The following OR51B5 variants were observed in gnomAD, a reference collection of about 807,000 sequenced individuals.
OR51B5 encodes the protein olfactory receptor family 51 subfamily B member 5, also known as olfactory receptor 51B5.
For missense variants in OR51B5, 456 were observed against 374.6 expected, an observed-to-expected ratio of 1.22 and a Z score of -1.79; for synonymous variants, 186 against 144.8, an observed-to-expected ratio of 1.28 and a Z score of -2.04.
At chr11:5,377,943 C>T (rs542433199) in intron 1 of OR51B5, among the ~76,000 whole-genome samples, 1 of 152,016 alleles carries the variant, frequency 6.6e-6, no homozygotes, top group African/African-American at 2.4e-5. Flanking sequence ...ATTTTCTTCA[C>T]AGAATTGGAA....
At chr11:5,346,020 T>A (rs1848985134), upstream of OR51B5, 1 of 152,224 alleles carries the variant, frequency 6.6e-6, no homozygotes, top group South Asian at 2.1e-4. Context: ...TCTATGTACT[T>A]CATTTCTCTG....
intron 1 of OR51B5, chr11:5,422,716 C>T (rs777828824): frequency 6.8e-6 from 11 of 1,613,952 alleles, no homozygotes; most frequent in South Asian, 3.3e-5. Flanking sequence ...CTTTCTGCCA[C>T]TCCCACCTTC....
intron 1 of OR51B5, among the ~76,000 whole-genome samples, chr11:5,495,394 T>C (rs954127088): frequency 6.6e-6 from 1 of 152,240 alleles, no homozygotes; most frequent in Admixed American, 6.5e-5. Context: ...AAAATATCTA[T>C]ATGATAATTT....
intron 1 of OR51B5, among the ~76,000 whole-genome samples, chr11:5,494,226 T>C (rs1161702665): frequency 6.6e-6 from 1 of 152,234 alleles, no homozygotes; most frequent in Non-Finnish European, 1.5e-5. Flanking sequence ...ATAACATTAT[T>C]CCAGGTAACA....
intron 1 of OR51B5, among the ~76,000 whole-genome samples, chr11:5,362,001 A>G (rs1421484523): frequency 1.3e-5 from 2 of 152,238 alleles, no homozygotes; most frequent in Non-Finnish European, 2.9e-5. Context: ...TACCAAATAG[A>G]TTAGTGTCAG....
In OR51B5 at chr11:5,412,557, T is replaced by A. The variant is rs527557688; in HGVS notation, n.85-65647A>T. 4.7e-4 allele frequency among the ~76,000 whole-genome samples: 71 copies of A among 152,318 alleles called. 3 individuals are homozygous for A. In the South Asian group the frequency reaches 0.014, roughly 29 times the overall value. ...CCTAGTCAAAGAAAGGAGTGACAGA[T>A]GGCACCTGGAAAATCGGGTCACTGC... On this transcript the variant is annotated intron_variant and non_coding_transcript_variant, in intron 1 of 4. Transcript: ENST00000415970.
chr11:5,345,825 C>T (rs1848981452), upstream of OR51B5: 1 of 152,148 alleles, frequency 6.6e-6, no homozygotes, highest in Non-Finnish European at 1.5e-5. Flanking sequence ...GAAGAGATGC[C>T]AGACAACTGG....
intron 1 of OR51B5, among the ~76,000 whole-genome samples, chr11:5,407,606 T>C (rs1481215932): frequency 6.6e-6 from 1 of 152,154 alleles, no homozygotes; most frequent in Non-Finnish European, 1.5e-5. Context: ...CCTGAATAAA[T>C]ACATGTGTTC....
chr11:5,423,133 C>G, intron 1 of OR51B5: 9 of 1,597,190 alleles, frequency 5.6e-6, no homozygotes, highest in South Asian at 1.1e-5. Context: ...TCCTTTCCCT[C>G]AAAAATATGC....
chr11:5,369,661 T>A (rs1201383298), intron 1 of OR51B5, among the ~76,000 whole-genome samples: 1 of 152,194 alleles, frequency 6.6e-6, no homozygotes, highest in Non-Finnish European at 1.5e-5. Flanking sequence ...GGAGATAATT[T>A]CCCTTTATAA....
intron 1 of OR51B5, among the ~76,000 whole-genome samples, chr11:5,478,071 C>CA (rs1294740691): frequency 5.5e-4 from 83 of 151,902 alleles, no homozygotes; most frequent in African/African-American, 1.9e-3. Flanking sequence ...CACAGACAAA[C>CA]AAAAAGACAG....
At chr11:5,376,176 C>T (rs1849524905) in intron 1 of OR51B5, among the ~76,000 whole-genome samples, 1 of 151,928 alleles carries the variant, frequency 6.6e-6, no homozygotes, top group African/African-American at 2.4e-5. Context: ...AACCACTCAA[C>T]TACATGGAAA....
chr11:5,379,271 T>C (rs1276259706), intron 1 of OR51B5, among the ~76,000 whole-genome samples: 1 of 151,564 alleles, frequency 6.6e-6, no homozygotes, highest in Non-Finnish European at 1.5e-5. Flanking sequence ...TGAGAACACA[T>C]GGACACAGGA....
intron 1 of OR51B5, among the ~76,000 whole-genome samples, chr11:5,397,550 A>C (rs1478379538): frequency 1.3e-5 from 2 of 150,646 alleles, no homozygotes; most frequent in Non-Finnish European, 3.0e-5. Flanking sequence ...GTCAGGAAAC[A>C]ACAGGTGCTG....
chr11:5,461,588 C>T (rs1054440696), intron 1 of OR51B5, among the ~76,000 whole-genome samples: 6 of 152,162 alleles, frequency 3.9e-5, no homozygotes, highest in African/African-American at 9.7e-5. Context: ...TAATGGGCAT[C>T]CATGGCCATA....
At chr11:5,372,526 C>A (rs530412930) in intron 1 of OR51B5, among the ~76,000 whole-genome samples, 78 of 152,214 alleles carry the variant, frequency 5.1e-4, no homozygotes, top group African/African-American at 1.8e-3. Flanking sequence ...ATGTAGTGCA[C>A]CTTTTCATAT....
intron 1 of OR51B5, among the ~76,000 whole-genome samples, chr11:5,406,763 C>G (rs1476815553): frequency 6.6e-6 from 1 of 151,924 alleles, no homozygotes; most frequent in Non-Finnish European, 1.5e-5. Flanking sequence ...ATCAAGATTC[C>G]AAAGAGAAGG....
chr11:5,382,382 G>A (rs1256863076), intron 1 of OR51B5, among the ~76,000 whole-genome samples: 1 of 152,080 alleles, frequency 6.6e-6, no homozygotes, highest in African/African-American at 2.4e-5. Flanking sequence ...TCACCTGTGG[G>A]CCAGGTGCTA....
chr11:5,487,041 G>T (rs192453780), intron 1 of OR51B5, among the ~76,000 whole-genome samples: 41 of 152,288 alleles, frequency 2.7e-4, no homozygotes, highest in African/African-American at 9.9e-4. Context: ...ATTTGAAAGA[G>T]ATAGGAATTC....
Sources: gnomAD v4.1 joint callset for allele counts (sites outside exome capture counted in the v4.1 genomes callset) on GRCh38, gnomAD v4.1.1 for gene constraint, MANE v1.5 for transcripts, NCBI Gene and HGNC (gene_info 2026-07-23, HGNC 2026-07-21) for gene names.